AFG1L: variants seen among roughly 807,000 people sequenced by gnomAD.
AFG1L encodes AFG1 like ATPase.
AFG1L carries 53 observed loss-of-function variants against 62.2 expected under a neutral mutation model. That is an observed-to-expected ratio of 0.85 (90% CI 0.68 to 1.07). AFG1L has a LOEUF of 1.07. Among genes scored for constraint, AFG1L ranks in the 50% least tolerant of loss-of-function variants. The pLI is 0.00. For missense variants in AFG1L, 555 were observed against 590.5 expected, an observed-to-expected ratio of 0.94 and a Z score of 0.62; for synonymous variants, 228 against 210.3, an observed-to-expected ratio of 1.08 and a Z score of -0.73.
At chr6:108,513,744 C>T (rs1774761723) in intron 11 of AFG1L, among the ~76,000 whole-genome samples, 1 of 152,208 alleles carries the variant, frequency 6.6e-6, no homozygotes. Context: ...ATGTTCCTGT[C>T]TAACAGCTTT....
At chr6:108,419,686 T>C (rs1340077639) in intron 7 of AFG1L, among the ~76,000 whole-genome samples, 4 of 152,202 alleles carry the variant, frequency 2.6e-5, no homozygotes, top group Admixed American at 6.5e-5. Context: ...TGACATCATA[T>C]CTTTTACTTG....
At chr6:108,422,477 C>CCAAAAAAAAAAAAAA in intron 7 of AFG1L, among the ~76,000 whole-genome samples, 1 of 45,810 alleles carries the variant, frequency 2.2e-5, no homozygotes, top group East Asian at 6.1e-4. Context: ...TAGTCCTCAG[C>CCAAAAAAAAAAAAAA]AAAAAAAAAA....
At chr6:108,431,646 G>A (rs1372341585) in intron 7 of AFG1L, among the ~76,000 whole-genome samples, 6 of 145,768 alleles carry the variant, frequency 4.1e-5, no homozygotes, top group African/African-American at 1.3e-4. Flanking sequence ...TGTAACCCAG[G>A]CTGGAGTGCA....
At chr6:108,302,324 A>G (rs189985059) in intron 1 of AFG1L, among the ~76,000 whole-genome samples, 317 of 152,338 alleles carry the variant, frequency 2.1e-3, no homozygotes, top group African/African-American at 7.3e-3. Context: ...TACTAAAGAC[A>G]AATCATGGTA....
intron 2 of AFG1L, among the ~76,000 whole-genome samples, chr6:108,328,085 T>A (rs1387629042): frequency 6.6e-6 from 1 of 151,656 alleles, no homozygotes; most frequent in African/African-American, 2.4e-5. Flanking sequence ...TCTCAGTTTA[T>A]AGTTGAGTAA....
rs868734670 is a variant in AFG1L, at chr6:108,374,550, G to A, written c.748+8218G>A. On this transcript the variant is annotated intron_variant, in intron 6 of 12. Coordinates refer to ENST00000368977, the MANE Select transcript of AFG1L (RefSeq NM_145315.5). ...GTCCAGTTTCATTCTTCGGCATATG[G>A]CTAGCCAGCTATCCCAGCATCATTT... Among the ~76,000 whole-genome samples the A allele has an allele frequency of 1.6e-4, 24 of 152,180 alleles. No homozygotes were observed. The South Asian group carries it at 1.7e-3, about 11-fold the overall frequency.
intron 6 of AFG1L, among the ~76,000 whole-genome samples, chr6:108,367,046 C>T (rs1779791815): frequency 6.6e-6 from 1 of 152,178 alleles, no homozygotes; most frequent in African/African-American, 2.4e-5. Flanking sequence ...TTTGAACCTG[C>T]AACACATCCC....
intron 7 of AFG1L, 33 bp downstream of exon 7, chr6:108,402,087 G>C: frequency 9.0e-7 from 1 of 1,116,584 alleles, no homozygotes; most frequent in Non-Finnish European, 1.3e-6. Flanking sequence ...TGTTTACTAA[G>C]ATCATACTTA....
chr6:108,509,536 G>A (rs1399758075), intron 10 of AFG1L, among the ~76,000 whole-genome samples: 1 of 152,216 alleles, frequency 6.6e-6, no homozygotes, highest in Non-Finnish European at 1.5e-5. Flanking sequence ...TGAGTCACGG[G>A]AAGGGTTTAT....
chr6:108,369,939 GCTGGCTGGCTATCTAT>G (rs1562113935), intron 6 of AFG1L, among the ~76,000 whole-genome samples: 3 of 131,478 alleles, frequency 2.3e-5, no homozygotes, highest in Non-Finnish European at 5.2e-5. Flanking sequence ...TGGCTGGCTG[GCTGGCTGGCTATCTAT>G]CTATCTATCT....
At chr6:108,384,907 G>A (rs1477498057) in intron 6 of AFG1L, among the ~76,000 whole-genome samples, 2 of 152,060 alleles carry the variant, frequency 1.3e-5, no homozygotes, top group Admixed American at 1.3e-4. Context: ...ATAATTAGAA[G>A]AAAAGAAACA....
At chr6:108,482,588 A>G (rs1773367888) in intron 10 of AFG1L, among the ~76,000 whole-genome samples, 1 of 152,156 alleles carries the variant, frequency 6.6e-6, no homozygotes, top group Admixed American at 6.6e-5. Context: ...CTGTTCCACA[A>G]TACCACATTA....
chr6:108,490,434 G>T (rs184541401), intron 10 of AFG1L, among the ~76,000 whole-genome samples: 2 of 152,256 alleles, frequency 1.3e-5, no homozygotes, highest in East Asian at 3.9e-4. Flanking sequence ...ATGTTACTTT[G>T]TAGAAAATCT....
At chr6:108,298,001 T>C (rs1776836320) in intron 1 of AFG1L, among the ~76,000 whole-genome samples, 1 of 152,114 alleles carries the variant, frequency 6.6e-6, no homozygotes, top group Admixed American at 6.6e-5. Context: ...TGCTTGCAGT[T>C]TCTGTTTCAT....
intron 1 of AFG1L, among the ~76,000 whole-genome samples, chr6:108,317,469 G>T (rs1188510113): frequency 6.6e-6 from 1 of 152,130 alleles, no homozygotes; most frequent in Non-Finnish European, 1.5e-5. Context: ...ATGAGTCCAG[G>T]TGGGGTCAGT....
intron 1 of AFG1L, among the ~76,000 whole-genome samples, chr6:108,315,783 C>T (rs866013130): frequency 6.6e-6 from 1 of 152,168 alleles, no homozygotes; most frequent in Non-Finnish European, 1.5e-5. Context: ...TGTGGTAGCT[C>T]ATGCCTGTAA....
chr6:108,408,447 GCTTTT>G (rs1350197194), intron 7 of AFG1L, among the ~76,000 whole-genome samples: 1 of 152,172 alleles, frequency 6.6e-6, no homozygotes, highest in African/African-American at 2.4e-5. Context: ...GATATCTGGA[GCTTTT>G]CTTTTGCATA....
At chr6:108,480,320 G>T (rs528685899) in intron 10 of AFG1L, among the ~76,000 whole-genome samples, 2 of 152,166 alleles carry the variant, frequency 1.3e-5, no homozygotes, top group African/African-American at 4.8e-5. Context: ...ACTTACAATA[G>T]GTAGGCACTA....
intron 7 of AFG1L, among the ~76,000 whole-genome samples, chr6:108,413,462 AC>A (rs2114665550): frequency 6.6e-6 from 1 of 152,352 alleles, no homozygotes; most frequent in South Asian, 2.1e-4. Flanking sequence ...AACAGAATAT[AC>A]ATTGTTCTCA....
Sources: allele counts gnomAD v4.1 joint callset (sites outside exome capture counted in the v4.1 genomes callset), GRCh38; gene constraint gnomAD v4.1.1; transcripts MANE v1.5; gene names NCBI Gene and HGNC (gene_info 2026-07-23, HGNC 2026-07-21).